Variants in ROBO2 observed in about 807,000 individuals in gnomAD.
The protein encoded by ROBO2 is roundabout homolog 2.
ROBO2 carries 53 observed loss-of-function variants against 160.8 expected under a neutral mutation model. The ratio of observed to expected loss-of-function variants is 0.33; its 90% confidence interval spans 0.26 to 0.41. The LOEUF is 0.41. Ranked by LOEUF, ROBO2 falls within the 10% of genes least tolerant of loss-of-function variation. The probability of loss-of-function intolerance (pLI) is 1.00; values close to 1 mark genes in which losing one functional copy is unlikely to be tolerated. For missense variants in ROBO2, 1,577 were observed against 1,722.4 expected, an observed-to-expected ratio of 0.92 and a Z score of 1.49; for synonymous variants, 664 against 611.7, an observed-to-expected ratio of 1.09 and a Z score of -1.26.
intron 2 of ROBO2, among the ~76,000 whole-genome samples, chr3:76,560,809 A>G (rs977973547): frequency 3.3e-5 from 5 of 149,934 alleles, no homozygotes; most frequent in Non-Finnish European, 5.9e-5. Flanking sequence ...TTTTTGTCCC[A>G]TGCACCAAAC....
intron 5 of ROBO2, among the ~76,000 whole-genome samples, chr3:77,501,087 T>A (rs185139110): frequency 2.0e-5 from 3 of 152,290 alleles, no homozygotes; most frequent in Admixed American, 6.5e-5. Flanking sequence ...GGAGCCACAG[T>A]AGGTGTGTTT....
intron 2 of ROBO2, among the ~76,000 whole-genome samples, chr3:76,381,219 T>A (rs187966790): frequency 2.3e-4 from 35 of 152,228 alleles, no homozygotes; most frequent in Non-Finnish European, 4.7e-4. Context: ...GTGAAATTAT[T>A]GTTCATGAAA....
intron 2 of ROBO2, among the ~76,000 whole-genome samples, chr3:76,398,426 G>C (rs919858764): frequency 6.6e-6 from 1 of 151,702 alleles, no homozygotes. Context: ...GTATACATAT[G>C]TAACTAACCT....
At chr3:75,955,091 T>G (rs2107221871) in intron 2 of ROBO2, among the ~76,000 whole-genome samples, 1 of 151,998 alleles carries the variant, frequency 6.6e-6, no homozygotes, top group South Asian at 2.1e-4. Context: ...GTTTGTTTGT[T>G]TGTTTGTTTT....
chr3:77,004,405 A>G (rs1483916765), intron 2 of ROBO2, among the ~76,000 whole-genome samples: 2 of 152,184 alleles, frequency 1.3e-5, no homozygotes, highest in Non-Finnish European at 2.9e-5. Context: ...TAGTTGAGTA[A>G]TAGTTCAGGA....
rs532293497 is a variant in ROBO2, at chr3:76,615,263, T to C, written c.110-482751T>C. Among the ~76,000 whole-genome samples the C allele has an allele frequency of 2.6e-4, 39 of 152,284 alleles. No homozygotes were observed. In the South Asian group the frequency reaches 4.6e-3, roughly 18 times the overall value. ...TTTTGCTTTTGAAAATCAGTTGTAT[T>C]GTTTGCTTGATTTTTTAACCCACAA... is the stretch of plus-strand genomic sequence containing the variant. On this transcript the variant is annotated intron_variant, in intron 2 of 26. Transcript: ENST00000487694.
At chr3:77,347,173 TG>T (rs1475026851) in intron 2 of ROBO2, among the ~76,000 whole-genome samples, 1 of 152,074 alleles carries the variant, frequency 6.6e-6, no homozygotes, top group Non-Finnish European at 1.5e-5. Context: ...CAAGGAATCA[TG>T]GAAAGATCTG....
intron 2 of ROBO2, among the ~76,000 whole-genome samples, chr3:76,148,766 C>T (rs2072023958): frequency 6.6e-6 from 1 of 152,052 alleles, no homozygotes; most frequent in African/African-American, 2.4e-5. Context: ...CTTTCCTGTC[C>T]TCCTATCTCC....
intron 2 of ROBO2, among the ~76,000 whole-genome samples, chr3:76,900,921 A>C (rs1018900616): frequency 6.6e-6 from 1 of 152,226 alleles, no homozygotes; most frequent in African/African-American, 2.4e-5. Flanking sequence ...AATAGAATGA[A>C]GAAAAATAAA....
chr3:76,192,282 G>C (rs1014990113), intron 2 of ROBO2, among the ~76,000 whole-genome samples: 3 of 150,680 alleles, frequency 2.0e-5, no homozygotes, highest in African/African-American at 7.3e-5. Context: ...CCTGACCTTC[G>C]ATTGGCTTAC....
chr3:76,645,941 C>T (rs2090947205), intron 2 of ROBO2, among the ~76,000 whole-genome samples: 1 of 152,092 alleles, frequency 6.6e-6, no homozygotes, highest in Admixed American at 6.5e-5. Context: ...AAAAAAGACA[C>T]TGTGTCTTGT....
chr3:76,773,426 C>A (rs2062039211), intron 2 of ROBO2, among the ~76,000 whole-genome samples: 1 of 150,778 alleles, frequency 6.6e-6, no homozygotes, highest in South Asian at 2.1e-4. Flanking sequence ...CTGTGACTGA[C>A]AAGATTTCCA....
At chr3:77,482,836 T>C (rs990359978) in intron 4 of ROBO2, among the ~76,000 whole-genome samples, 5 of 151,848 alleles carry the variant, frequency 3.3e-5, no homozygotes, top group African/African-American at 1.2e-4. Flanking sequence ...TATTTTTCTG[T>C]AACTACCACA....
intron 2 of ROBO2, among the ~76,000 whole-genome samples, chr3:76,212,913 GTTTC>G (rs1489764622): frequency 4.7e-3 from 17 of 3,634 alleles, no homozygotes; most frequent in South Asian, 0.077. Context: ...GGTGTTCTTA[GTTTC>G]ACTTTTGGTA....
intron 2 of ROBO2, among the ~76,000 whole-genome samples, chr3:76,555,358 G>GAAGAAAGA (rs1553799308): frequency 1.7e-5 from 1 of 57,932 alleles, no homozygotes; most frequent in African/African-American, 5.2e-5. Context: ...AGTAGGAAGA[G>GAAGAAAGA]AGAAGAAGAA....
intron 5 of ROBO2, among the ~76,000 whole-genome samples, chr3:77,507,938 A>C (rs1300550110): frequency 6.6e-6 from 1 of 152,116 alleles, no homozygotes; most frequent in Non-Finnish European, 1.5e-5. Context: ...TATTTAAATA[A>C]TCTATGAAAA....
intron 2 of ROBO2, among the ~76,000 whole-genome samples, chr3:77,322,938 T>A (rs1281636996): frequency 5.7e-4 from 1 of 1,758 alleles, no homozygotes; most frequent in Non-Finnish European, 2.6e-3. Flanking sequence ...GATAATATAA[T>A]ATATTATATT....
intron 2 of ROBO2, among the ~76,000 whole-genome samples, chr3:76,128,403 A>G (rs2106646519): frequency 6.6e-6 from 1 of 152,252 alleles, no homozygotes; most frequent in East Asian, 1.9e-4. Context: ...TCTTTCGAGG[A>G]GGAGCACATA....
intron 2 of ROBO2, among the ~76,000 whole-genome samples, chr3:76,195,251 C>T (rs1702207810): frequency 6.6e-6 from 1 of 151,986 alleles, no homozygotes; most frequent in South Asian, 2.1e-4. Flanking sequence ...TAGATTACAG[C>T]TAAAGATTAT....
Sources: gnomAD v4.1 joint callset for allele counts (sites outside exome capture counted in the v4.1 genomes callset) on GRCh38, gnomAD v4.1.1 for gene constraint, MANE v1.5 for transcripts, NCBI Gene and HGNC (gene_info 2026-07-23, HGNC 2026-07-21) for gene names.